Variants in TGM6 observed in about 807,000 individuals in gnomAD.
TGM6 encodes the protein protein-glutamine gamma-glutamyltransferase 6.
In TGM6, 74 loss-of-function variants were observed where a neutral mutation model predicts 77.5. The ratio of observed to expected loss-of-function variants is 0.96; its 90% CI spans 0.79 to 1.16. The LOEUF (loss-of-function observed/expected upper bound fraction) is 1.16, where lower values mean the gene tolerates loss of function less well. Among genes scored for constraint, TGM6 ranks in the 50% most tolerant of loss-of-function variants. The probability of loss-of-function intolerance (pLI) is 0.00; values close to 1 mark genes in which losing one functional copy is unlikely to be tolerated. For synonymous variants in TGM6, 383 were observed against 378.9 expected, an observed-to-expected ratio of 1.01 and a Z score of -0.12; for missense variants, 968 against 940.2, an observed-to-expected ratio of 1.03 and a Z score of -0.39.
At position 2,400,460 on chromosome 20, in the gene TGM6, A is replaced by AT; in HGVS notation, c.989+16_989+17insT. 6.2e-7 allele frequency: 1 copy of AT among 1,614,000 alleles called. No individual in the cohort carries two copies. Among genetic ancestry groups the AT allele is most frequent in the Non-Finnish European group, 8.5e-7 (1 of 1,179,992 alleles). On this transcript the variant is annotated intron_variant, in intron 7 of 12. Coordinates refer to ENST00000202625, the MANE Select transcript of TGM6 (RefSeq NM_198994.3). ...ACAGCATGTGGTGGGTCCTGCCCCC[A>AT]GCCTAGGCCCGAGGGCTCTGGAAGC...
chr20:2,397,965 C>G lies in TGM6; in HGVS notation c.591C>G (p.Ser197Arg). The G allele has an allele frequency of 1.2e-6, 2 of 1,614,130 alleles. No homozygotes were observed. The highest frequency in any genetic ancestry group is 1.7e-6 in the Non-Finnish European group (2 of 1,180,018). The change falls in exon 5 of 13, where the codon AGC (serine) becomes AGG (arginine). Residue 197 changes from serine to arginine, a missense_variant. Ser to Arg is a moderately radical substitution (Grantham distance 110). Transcript: ENST00000202625. ...TCTGCCTCTCCATCCTGGATCGAAG[C>G]CCCGGTCACCAAAACAACCCAGCCA... ...LNICLSILDR[S>R]PGHQNNPATD...
intron 1 of TGM6, among the ~76,000 whole-genome samples, chr20:2,393,818 C>A (rs563349597): frequency 6.6e-6 from 1 of 152,128 alleles, no homozygotes; most frequent in African/African-American, 2.4e-5. Context: ...CGAGCCACCA[C>A]GCCCATCCTA....
chr20:2,391,428 G>C (rs2084628937), intron 1 of TGM6, among the ~76,000 whole-genome samples: 1 of 151,848 alleles, frequency 6.6e-6, no homozygotes, highest in Non-Finnish European at 1.5e-5. Flanking sequence ...AAAGAGATAT[G>C]TGCGACGTCG....
At chr20:2,409,323 C>T (rs1035065314) in intron 9 of TGM6, among the ~76,000 whole-genome samples, 3 of 152,104 alleles carry the variant, frequency 2.0e-5, no homozygotes, top group African/African-American at 7.2e-5. Flanking sequence ...TTATAAGATG[C>T]AGCTAAAGCA....
chr20:2,420,114 A>C (rs190045437), intron 10 of TGM6, among the ~76,000 whole-genome samples: 1,538 of 152,220 alleles, frequency 0.01, 34 homozygotes, highest in African/African-American at 0.035. Context: ...GCGTGGCGGC[A>C]TGCGCCTGTA....
At chr20:2,394,854 G>A (rs1303489095) in intron 2 of TGM6, among the ~76,000 whole-genome samples, 1 of 152,132 alleles carries the variant, frequency 6.6e-6, no homozygotes, top group African/African-American at 2.4e-5. Flanking sequence ...CTGGAACCCT[G>A]TGTGTACCAG....
In TGM6 at chr20:2,400,409, G is replaced by A. The variant is rs767293970; in HGVS notation, c.954G>A (p.Gly318=). ...LSVDKYVDSF[G]RTLEDLTEDS... is the part of the protein sequence containing the mutation. Reference sequence around the variant, plus strand: ...TGGACAAATACGTGGACTCCTTCGGGCGGACCCTGGAGGACCTGACAGAAG... The same window carrying A: ...TGGACAAATACGTGGACTCCTTCGGACGGACCCTGGAGGACCTGACAGAAG... Residue 318 remains glycine, a synonymous_variant, in exon 7 of 13, where the codon GGG becomes GGA. Coordinates refer to ENST00000202625, the MANE Select transcript of TGM6 (RefSeq NM_198994.3). 19 of 1,614,056 alleles carry A rather than the reference G, an allele frequency of 1.2e-5. 1 individual carries two copies. In the South Asian group the frequency reaches 2.0e-4, roughly 17 times the overall value.
At position 2,403,817 on chromosome 20, in the gene TGM6, C is replaced by A. The variant is rs1216214262; in HGVS notation, c.1330C>A (p.Pro444Thr). 6.2e-7 allele frequency: 1 copy of A among 1,614,132 alleles called. No individual in the cohort carries two copies. Among genetic ancestry groups the A allele is most frequent in the Non-Finnish European group, 8.5e-7 (1 of 1,180,038 alleles). Residue 444 changes from proline to threonine, a missense_variant, in exon 9 of 13, where the codon CCG becomes ACG. Coordinates refer to ENST00000202625, the MANE Select transcript of TGM6 (RefSeq NM_198994.3). ...RVDITDLYKY[P>T]EGSRKERQVY... ...GGACATCACTGACCTCTACAAGTAT[C>A]CGGAAGGTAAGGGCCACATGGCGGC...
intron 7 of TGM6, among the ~76,000 whole-genome samples, chr20:2,400,982 C>T (rs931852295): frequency 3.3e-5 from 5 of 151,964 alleles, no homozygotes; most frequent in Non-Finnish European, 5.9e-5. Context: ...GAGGTTGCAG[C>T]GAGCTGAGAT....
chr20:2,414,305 T>G (rs112984281), intron 9 of TGM6, among the ~76,000 whole-genome samples: 3 of 152,042 alleles, frequency 2.0e-5, no homozygotes, highest in Non-Finnish European at 4.4e-5. Context: ...AATAAGCACA[T>G]AAAAAGATGC....
chr20:2,383,548 G>A (rs1568650489), intron 1 of TGM6, among the ~76,000 whole-genome samples: 1 of 152,212 alleles, frequency 6.6e-6, no homozygotes, highest in Non-Finnish European at 1.5e-5. Context: ...CAAGATGGCT[G>A]TAGATTCCAT....
chr20:2,425,352 G>GA (rs34445977), intron 10 of TGM6, among the ~76,000 whole-genome samples: 115 of 137,570 alleles, frequency 8.4e-4, no homozygotes, highest in East Asian at 8.3e-4. Context: ...TTGTCTTAAA[G>GA]AAAAAAAAAA....
At chr20:2,429,324 G>A (rs1048537210) in intron 10 of TGM6, among the ~76,000 whole-genome samples, 11 of 152,000 alleles carry the variant, frequency 7.2e-5, no homozygotes, top group African/African-American at 2.7e-4. Flanking sequence ...TTTTCCATGA[G>A]TTAAAAACTC....
chr20:2,424,620 TATC>T (rs1363934034), intron 10 of TGM6, among the ~76,000 whole-genome samples: 1 of 152,242 alleles, frequency 6.6e-6, no homozygotes, highest in Non-Finnish European at 1.5e-5. Context: ...TTTGCTTTCT[TATC>T]ATTCCTATGT....
At chr20:2,387,017 G>A (rs1379784082) in intron 1 of TGM6, among the ~76,000 whole-genome samples, 1 of 152,176 alleles carries the variant, frequency 6.6e-6, no homozygotes, top group East Asian at 1.9e-4. Context: ...ACATTGCTTG[G>A]GAAGTAGCAA....
Position 2,389,092 on chromosome 20 carries a change from G to A in TGM6, c.8-5360G>A, listed in dbSNP as rs115295923. ...ACTGCCTTGACCCATAGGATAAGGC[G>A]GAGGTGACATTGTGTAACTTCTGAG... is the stretch of plus-strand genomic sequence containing the variant. On this transcript the variant is annotated intron_variant, in intron 1 of 12. Transcript: ENST00000202625. Among the ~76,000 whole-genome samples, 915 of 152,238 alleles carry A rather than the reference G, an allele frequency of 6.0e-3. 9 individuals are homozygous for A. The highest frequency in any genetic ancestry group is 0.02 in the African/African-American group (851 of 41,544).
At chr20:2,399,037 G>C (rs998529782) in intron 5 of TGM6, among the ~76,000 whole-genome samples, 23 of 151,690 alleles carry the variant, frequency 1.5e-4, no homozygotes, top group African/African-American at 5.3e-4. Flanking sequence ...TGAACTCAAG[G>C]CTCCCAAGTC....
intron 7 of TGM6, 147 bp from the exon 8 acceptor site, chr20:2,403,250 G>A: frequency 1.3e-6 from 1 of 769,934 alleles, no homozygotes; most frequent in Non-Finnish European, 2.3e-6. Context: ...AATGCTGTGT[G>A]CTCATTCATG....
intron 1 of TGM6, among the ~76,000 whole-genome samples, chr20:2,386,285 G>C (rs1400673410): frequency 1.3e-5 from 2 of 152,154 alleles, no homozygotes; most frequent in African/African-American, 4.8e-5. Context: ...GATGCTGATG[G>C]ATGTGGATGA....
Sources: gnomAD v4.1 joint callset for allele counts (sites outside exome capture counted in the v4.1 genomes callset) on GRCh38, gnomAD v4.1.1 for gene constraint, MANE v1.5 for transcripts, NCBI Gene and HGNC (gene_info 2026-07-23, HGNC 2026-07-21) for gene names.